SCN7A: variants seen among roughly 807,000 people sequenced by gnomAD.
The protein encoded by SCN7A is sodium channel protein type 7 subunit alpha.
In SCN7A, 138 loss-of-function variants were observed where a neutral mutation model predicts 155.2. The ratio of observed to expected loss-of-function variants is 0.89; its 90% CI spans 0.77 to 1.02. The LOEUF is 1.02. Among genes scored for constraint, SCN7A ranks in the 50% least tolerant of loss-of-function variants. The probability of loss-of-function intolerance (pLI) is 0.00; values close to 1 mark genes in which losing one functional copy is unlikely to be tolerated. For missense variants in SCN7A, 2,058 were observed against 1,986.6 expected, an observed-to-expected ratio of 1.04 and a Z score of -0.68; for synonymous variants, 693 against 649.0, an observed-to-expected ratio of 1.07 and a Z score of -1.03.
chr2:166,417,610 ATATGC>A (rs1205184884), intron 20 of SCN7A, among the ~76,000 whole-genome samples: 1 of 151,542 alleles, frequency 6.6e-6, no homozygotes, highest in Non-Finnish European at 1.5e-5. Flanking sequence ...ATATATATAT[ATATGC>A]TTATTGATGT....
intron 2 of SCN7A, among the ~76,000 whole-genome samples, chr2:166,480,350 C>G (rs372108243): frequency 6.6e-6 from 1 of 151,392 alleles, no homozygotes; most frequent in Non-Finnish European, 1.5e-5. Context: ...CCCAGCTACT[C>G]GAGAGGCTGA....
rs190675306 is a variant in SCN7A, at chr2:166,416,942, T to C, written c.3179A>G (p.Asn1060Ser). Residue 1060 changes from asparagine to serine, a missense_variant, in exon 21 of 26, where the codon AAT becomes AGT. By Grantham distance (46) the Asn-to-Ser change is conservative (BLOSUM62 1). Transcript: ENST00000643258. ...GATCATCAGGCAGACAAGAAACACA[T>C]TCAAAGTGGGTAAGGTTGTTTTGAT... ...ALIKTTLPTL[N>S]VFLVCLMIWL... The C allele has an allele frequency of 6.2e-7, 1 of 1,609,692 alleles. No homozygotes were observed. The highest frequency in any genetic ancestry group is 1.3e-5 in the African/African-American group (1 of 74,982).
At chr2:166,463,004 C>T (rs1702448687) in intron 9 of SCN7A, among the ~76,000 whole-genome samples, 4 of 151,844 alleles carry the variant, frequency 2.6e-5, no homozygotes, top group Admixed American at 6.6e-5. Context: ...TTTACTACTC[C>T]AATATTAAAG....
chr2:166,439,829 C>A (rs1422243289), intron 15 of SCN7A, among the ~76,000 whole-genome samples: 3 of 152,124 alleles, frequency 2.0e-5, no homozygotes, highest in Non-Finnish European at 2.9e-5. Flanking sequence ...AGTACACTAA[C>A]AATTAAATAC....
intron 2 of SCN7A, among the ~76,000 whole-genome samples, chr2:166,483,158 T>C (rs1702968156): frequency 1.3e-5 from 2 of 152,038 alleles, no homozygotes; most frequent in Non-Finnish European, 2.9e-5. Flanking sequence ...AGTTGAAATT[T>C]GCAGGAGCAG....
At chr2:166,475,854 C>A (rs1433601973) in intron 3 of SCN7A, among the ~76,000 whole-genome samples, 2 of 151,946 alleles carry the variant, frequency 1.3e-5, no homozygotes, top group Admixed American at 6.6e-5. Flanking sequence ...GCTATCCGTG[C>A]AGTTCTTGCT....
At position 166,465,536 on chromosome 2, in the gene SCN7A, A is replaced by G; in HGVS notation, c.872-5T>C. The G allele has an allele frequency of 6.3e-7, 1 of 1,582,864 alleles. No individual in the cohort carries two copies. Among genetic ancestry groups the G allele is most frequent in the Non-Finnish European group, 8.6e-7 (1 of 1,160,600 alleles). ...AATAATAAAAGTTTTCTGTTTCTGA[A>G]AAACAGGCAAGAAATGATATTCTAT... On this transcript the variant is annotated splice_polypyrimidine_tract_variant and splice_region_variant and intron_variant, in intron 8 of 25. Transcript: ENST00000643258.
At chr2:166,492,185 G>A (rs556781134) in intron 1 of SCN7A, among the ~76,000 whole-genome samples, 1 of 152,218 alleles carries the variant, frequency 6.6e-6, no homozygotes, top group Non-Finnish European at 1.5e-5. Context: ...AGTAGAGACT[G>A]ATATGCAGCA....
At chr2:166,480,309 T>G (rs1487077222) in intron 2 of SCN7A, among the ~76,000 whole-genome samples, 1 of 151,916 alleles carries the variant, frequency 6.6e-6, no homozygotes, top group African/African-American at 2.4e-5. Context: ...TACAAAAACA[T>G]TAGCCTGGCG....
chr2:166,456,411 G>A (rs1575043034), intron 11 of SCN7A, among the ~76,000 whole-genome samples: 1 of 151,632 alleles, frequency 6.6e-6, no homozygotes, highest in African/African-American at 2.4e-5. Context: ...ATTCCAAAAA[G>A]GGTTGAAATT....
At chr2:166,412,732 T>G in intron 22 of SCN7A, 65 bp from the exon 23 acceptor site, 2 of 1,435,776 alleles carry the variant, frequency 1.4e-6, no homozygotes, top group Non-Finnish European at 1.8e-6. Flanking sequence ...TAAAACAATT[T>G]ATGACAAGAA....
intron 18 of SCN7A, among the ~76,000 whole-genome samples, chr2:166,424,130 A>C (rs1460681416): frequency 6.6e-6 from 1 of 152,156 alleles, no homozygotes; most frequent in African/African-American, 2.4e-5. Context: ...TGTGATTCTT[A>C]AAACCTACTG....
intron 1 of SCN7A, among the ~76,000 whole-genome samples, chr2:166,487,680 G>A (rs975498404): frequency 2.0e-5 from 3 of 152,088 alleles, no homozygotes; most frequent in Non-Finnish European, 2.9e-5. Flanking sequence ...TAGAATTGTC[G>A]AATGTTCTAT....
In SCN7A at chr2:166,409,906, C is replaced by G. The variant is rs747454070; in HGVS notation, c.3741G>C (p.Val1247=). 2 of 1,569,352 alleles carry G rather than the reference C, an allele frequency of 1.3e-6. No homozygotes were observed. Among genetic ancestry groups the G allele is most frequent in the East Asian group, 4.7e-5 (2 of 42,950 alleles). Residue 1247 remains valine, a synonymous_variant, in exon 25 of 26, where the codon GTG becomes GTC. Coordinates refer to ENST00000643258, the MANE Select transcript of SCN7A (RefSeq NM_002976.4). Reference sequence around the variant, plus strand: ...TGACATTAAAAGCTTGGCTTGTTACCACATCAAAGATGAATCCTTGGAGCT... The same window carrying G: ...TGACATTAAAAGCTTGGCTTGTTACGACATCAAAGATGAATCCTTGGAGCT... ...LNKLQGFIFD[V]VTSQAFNVIV...
intron 12 of SCN7A, among the ~76,000 whole-genome samples, chr2:166,447,136 C>T (rs571269748): frequency 1.2e-4 from 19 of 152,202 alleles, no homozygotes; most frequent in African/African-American, 3.1e-4. Context: ...ATGAAGCGAA[C>T]GTGTATTAGA....
At chr2:166,438,678 G>A (rs1390206478) in intron 15 of SCN7A, among the ~76,000 whole-genome samples, 5 of 152,066 alleles carry the variant, frequency 3.3e-5, no homozygotes, top group Non-Finnish European at 7.3e-5. Context: ...TAGAAGTGTG[G>A]AGGTTAAAAA....
chr2:166,478,859 T>C (rs1185472287), intron 2 of SCN7A, among the ~76,000 whole-genome samples: 3 of 152,030 alleles, frequency 2.0e-5, no homozygotes, highest in Non-Finnish European at 4.4e-5. Flanking sequence ...GTTCATTAAA[T>C]ATAATTTCAT....
intron 7 of SCN7A, among the ~76,000 whole-genome samples, chr2:166,469,687 T>C (rs1459855778): frequency 2.6e-5 from 4 of 151,860 alleles, no homozygotes; most frequent in African/African-American, 9.7e-5. Flanking sequence ...AGGATGAAGA[T>C]GCATGTGAAA....
chr2:166,422,074 C>G (rs759192813), intron 19 of SCN7A, among the ~76,000 whole-genome samples: 1 of 152,062 alleles, frequency 6.6e-6, no homozygotes, highest in South Asian at 2.1e-4. Flanking sequence ...AACAGGAAGG[C>G]GAGTTGCAGG....
Sources: gnomAD v4.1 joint callset for allele counts (sites outside exome capture counted in the v4.1 genomes callset) on GRCh38, gnomAD v4.1.1 for gene constraint, MANE v1.5 for transcripts, NCBI Gene and HGNC (gene_info 2026-07-23, HGNC 2026-07-21) for gene names.